DIP2C: variants seen among roughly 807,000 people sequenced by gnomAD.
DIP2C encodes the protein disco-interacting protein 2 homolog C.
DIP2C carries 33 observed loss-of-function variants against 192.4 expected under a neutral mutation model. The ratio of observed to expected loss-of-function variants is 0.17; its 90% CI spans 0.13 to 0.23. DIP2C has a LOEUF of 0.23. Ranked by LOEUF, DIP2C falls within the 10% of genes least tolerant of loss-of-function variation. The probability of loss-of-function intolerance (pLI) is 1.00; values close to 1 mark genes in which losing one functional copy is unlikely to be tolerated. For synonymous variants in DIP2C, 979 were observed against 864.1 expected, an observed-to-expected ratio of 1.13 and a Z score of -2.33; for missense variants, 1,537 against 2,110.1, an observed-to-expected ratio of 0.73 and a Z score of 5.32.
chr10:351,790 C>T (rs1251537835), intron 24 of DIP2C, among the ~76,000 whole-genome samples: 5 of 152,096 alleles, frequency 3.3e-5, no homozygotes, highest in Admixed American at 2.0e-4. Flanking sequence ...CTCCTTGCCA[C>T]CTGTTCACAG....
intron 3 of DIP2C, among the ~76,000 whole-genome samples, chr10:460,746 A>C (rs931734464): frequency 1.3e-5 from 2 of 152,188 alleles, no homozygotes; most frequent in African/African-American, 4.8e-5. Flanking sequence ...CCCAAGACAC[A>C]TAATTGTCAG....
intron 1 of DIP2C, among the ~76,000 whole-genome samples, chr10:585,998 G>A (rs112921445): frequency 2.6e-5 from 4 of 152,190 alleles, no homozygotes; most frequent in South Asian, 2.1e-4. Context: ...TGTCTCAACG[G>A]GCCTCAAGGA....
At chr10:398,626 T>G (rs990468411) in intron 10 of DIP2C, among the ~76,000 whole-genome samples, 6 of 152,192 alleles carry the variant, frequency 3.9e-5, no homozygotes, top group African/African-American at 1.2e-4. Context: ...TCTCAAATAC[T>G]TTTTGATTGA....
intron 3 of DIP2C, among the ~76,000 whole-genome samples, chr10:454,739 T>C (rs1969146792): frequency 6.6e-6 from 1 of 151,756 alleles, no homozygotes; most frequent in Non-Finnish European, 1.5e-5. Flanking sequence ...AGAGGTAGTA[T>C]ACAAACGCAC....
chr10:571,219 A>C (rs1020809437), intron 1 of DIP2C, among the ~76,000 whole-genome samples: 1 of 152,378 alleles, frequency 6.6e-6, no homozygotes, highest in Admixed American at 6.5e-5. Context: ...TTCTCTCTCC[A>C]ACCTGACAGC....
At chr10:579,829 A>AT (rs1306404428) in intron 1 of DIP2C, among the ~76,000 whole-genome samples, 32 of 152,058 alleles carry the variant, frequency 2.1e-4, no homozygotes, top group Admixed American at 2.0e-3. Flanking sequence ...GTACATGCAT[A>AT]GCATGTACAC....
chr10:380,692 T>C (rs1962290114), intron 17 of DIP2C, among the ~76,000 whole-genome samples: 1 of 152,220 alleles, frequency 6.6e-6, no homozygotes, highest in Non-Finnish European at 1.5e-5. Flanking sequence ...GCCTCCCACA[T>C]TGGACGTGAC....
intron 4 of DIP2C, among the ~76,000 whole-genome samples, chr10:436,237 T>C (rs1355701906): frequency 6.6e-6 from 1 of 152,244 alleles, no homozygotes; most frequent in Middle Eastern, 3.2e-3. Flanking sequence ...TCTCTGTGTA[T>C]GCAGTGATTG....
Position 356,428 on chromosome 10 carries a change from G to A in DIP2C, c.2983C>T (p.Arg995Trp), listed in dbSNP as rs981380179. The A allele has an allele frequency of 4.3e-6, 7 of 1,611,162 alleles. No individual in the cohort carries two copies. The highest frequency in any genetic ancestry group is 4.5e-5 in the East Asian group (2 of 44,902). The change falls in exon 24 of 37, where the codon CGG becomes TGG. Residue 995 changes from arginine (R) to tryptophan (W), a missense_variant and splice_region_variant. By Grantham distance (101) the Arg-to-Trp change is moderately radical (BLOSUM62 -3). Coordinates refer to ENST00000280886, the MANE Select transcript of DIP2C (RefSeq NM_014974.3). ...GGAAGGCCAGCTCCGCGCCTCACCC[G>A]ACAGTTGAGCAGCGTGTAGAGGATG... is the stretch of plus-strand genomic sequence containing the variant. The part of the protein sequence containing the change: ...DHILYTLLNC[R>W]GAIANSLTCV...
chr10:537,266 A>C (rs1014484131), intron 1 of DIP2C, among the ~76,000 whole-genome samples: 1 of 152,166 alleles, frequency 6.6e-6, no homozygotes, highest in South Asian at 2.1e-4. Context: ...AGCCCTGCAC[A>C]GCTCCCCAGA....
At chr10:644,285 C>T (rs899240925) in intron 1 of DIP2C, among the ~76,000 whole-genome samples, 12 of 152,230 alleles carry the variant, frequency 7.9e-5, no homozygotes, top group Non-Finnish European at 1.6e-4. Context: ...GGAGCTGTCC[C>T]GCCAGCCTCT....
intron 1 of DIP2C, among the ~76,000 whole-genome samples, chr10:538,901 TTC>T (rs1452686820): frequency 1.3e-5 from 2 of 152,252 alleles, no homozygotes; most frequent in South Asian, 2.1e-4. Context: ...TAAGAACTTT[TTC>T]TGTGTTCATG....
intron 3 of DIP2C, among the ~76,000 whole-genome samples, chr10:444,252 T>C: frequency 6.6e-6 from 1 of 151,006 alleles, no homozygotes; most frequent in East Asian, 2.0e-4. Context: ...CACGCCATGG[T>C]GTTCCCTCAA....
chr10:444,403 G>A (rs1331033465), intron 3 of DIP2C, among the ~76,000 whole-genome samples: 2 of 117,548 alleles, frequency 1.7e-5, no homozygotes, highest in Non-Finnish European at 3.1e-5. Context: ...CATGAGGAGT[G>A]TTCCTTGGCG....
chr10:341,098 G>T (rs774084021), intron 29 of DIP2C, 101 bp downstream of exon 29: 17 of 1,517,930 alleles, frequency 1.1e-5, no homozygotes, highest in South Asian at 9.2e-5. Flanking sequence ...TGGCAGGAGT[G>T]GGGGTGTGGG....
intron 1 of DIP2C, among the ~76,000 whole-genome samples, chr10:499,165 G>A (rs533148852): frequency 4.4e-4 from 67 of 152,270 alleles, no homozygotes; most frequent in Non-Finnish European, 2.2e-4. Context: ...TTCACCACAC[G>A]CGATGCTGAC....
intron 5 of DIP2C, among the ~76,000 whole-genome samples, chr10:419,409 T>G (rs1476326446): frequency 1.3e-5 from 2 of 151,628 alleles, no homozygotes; most frequent in Non-Finnish European, 2.9e-5. Context: ...TGGAGCAGAG[T>G]TCGGTAAAAC....
intron 3 of DIP2C, among the ~76,000 whole-genome samples, chr10:447,336 A>T (rs1417932942): frequency 6.9e-6 from 1 of 144,390 alleles, no homozygotes; most frequent in Non-Finnish European, 1.5e-5. Context: ...GATATTCAGG[A>T]TCACACACAG....
chr10:384,274 T>C, intron 15 of DIP2C, 128 bp from the exon 16 acceptor site: 3 of 157,710 alleles, frequency 1.9e-5, no homozygotes, highest in Non-Finnish European at 3.2e-5. Context: ...CACAAACCTT[T>C]TTTTTTTTTT....
Sources: allele counts gnomAD v4.1 joint callset (sites outside exome capture counted in the v4.1 genomes callset), GRCh38; gene constraint gnomAD v4.1.1; transcripts MANE v1.5; gene names NCBI Gene and HGNC (gene_info 2026-07-23, HGNC 2026-07-21).